ZNRF3: variants seen among roughly 807,000 people sequenced by gnomAD.
The protein encoded by ZNRF3 is zinc and ring finger 3, also known as E3 ubiquitin-protein ligase ZNRF3.
A neutral mutation model predicts 72.5 loss-of-function variants in ZNRF3; 23 were observed. The ratio of observed to expected loss-of-function variants is 0.32; its 90% confidence interval spans 0.23 to 0.45. The LOEUF (loss-of-function observed/expected upper bound fraction) is 0.45. ZNRF3 is among the 20% of genes least tolerant of loss of function. The pLI is 1.00. For synonymous variants in ZNRF3, 610 were observed against 545.3 expected, an observed-to-expected ratio of 1.12 and a Z score of -1.65; for missense variants, 1,169 against 1,272.1, an observed-to-expected ratio of 0.92 and a Z score of 1.23.
chr22:28,912,446 C>T (rs2034334605), intron 1 of ZNRF3, among the ~76,000 whole-genome samples: 1 of 152,084 alleles, frequency 6.6e-6, no homozygotes, highest in Non-Finnish European at 1.5e-5. Flanking sequence ...TGCTGGATTA[C>T]ATCCGGGGAT....
At chr22:28,994,764 AC>A (rs1474779939) in intron 2 of ZNRF3, among the ~76,000 whole-genome samples, 18 of 152,362 alleles carry the variant, frequency 1.2e-4, no homozygotes, top group Admixed American at 3.3e-4. Context: ...AGTTAAAAAA[AC>A]AATGGTATTA....
At chr22:28,971,121 T>A (rs1312598982) in intron 1 of ZNRF3, among the ~76,000 whole-genome samples, 1 of 152,088 alleles carries the variant, frequency 6.6e-6, no homozygotes, top group Non-Finnish European at 1.5e-5. Context: ...CCCAGGAGTT[T>A]GAGGCTGCAG....
chr22:28,914,037 A>C (rs1033613715), intron 1 of ZNRF3, among the ~76,000 whole-genome samples: 2 of 152,210 alleles, frequency 1.3e-5, no homozygotes, highest in African/African-American at 4.8e-5. Flanking sequence ...GATGAAATGC[A>C]TGATAAGAAC....
intron 2 of ZNRF3, among the ~76,000 whole-genome samples, chr22:29,023,697 G>C (rs1312462553): frequency 1.3e-5 from 2 of 152,202 alleles, no homozygotes; most frequent in Non-Finnish European, 2.9e-5. Flanking sequence ...ATTCCATGTG[G>C]GGCTGTCTGG....
chr22:29,028,296 C>T (rs981134835), intron 2 of ZNRF3, among the ~76,000 whole-genome samples: 1 of 152,144 alleles, frequency 6.6e-6, no homozygotes, highest in African/African-American at 2.4e-5. Context: ...CACCCTGCCA[C>T]CTCTCAGGGA....
chr22:28,905,550 A>G (rs1243426264), intron 1 of ZNRF3, among the ~76,000 whole-genome samples: 2 of 152,222 alleles, frequency 1.3e-5, no homozygotes, highest in Non-Finnish European at 2.9e-5. Flanking sequence ...TGTACCAATC[A>G]AAACAAATGA....
chr22:28,946,055 A>T (rs549011325), intron 1 of ZNRF3, among the ~76,000 whole-genome samples: 2 of 152,306 alleles, frequency 1.3e-5, no homozygotes, highest in Non-Finnish European at 1.5e-5. Flanking sequence ...CTCAAAGGCA[A>T]TGCTCATTGG....
chr22:28,962,162 C>T (rs939161611), intron 1 of ZNRF3, among the ~76,000 whole-genome samples: 4 of 152,238 alleles, frequency 2.6e-5, no homozygotes, highest in South Asian at 2.1e-4. Context: ...TTGCATTTAC[C>T]GCATCCCAAC....
chr22:28,972,493 T>C (rs1186923457), intron 1 of ZNRF3, among the ~76,000 whole-genome samples: 1 of 152,252 alleles, frequency 6.6e-6, no homozygotes, highest in Non-Finnish European at 1.5e-5. Context: ...TTAACCACAC[T>C]TGATGTTTCC....
At chr22:28,917,520 T>C in intron 1 of ZNRF3, 5 of 873,238 alleles carry the variant, frequency 5.7e-6, no homozygotes, top group Non-Finnish European at 6.9e-6. Context: ...GGGTAAGATA[T>C]ACTCTCTGTA....
intron 1 of ZNRF3, among the ~76,000 whole-genome samples, chr22:28,932,119 G>T (rs925014496): frequency 1.3e-5 from 2 of 152,166 alleles, no homozygotes; most frequent in African/African-American, 4.8e-5. Flanking sequence ...GAGAGGACCC[G>T]TTCAGCCACA....
intron 2 of ZNRF3, among the ~76,000 whole-genome samples, chr22:28,989,425 A>G (rs2035915149): frequency 6.6e-6 from 1 of 151,978 alleles, no homozygotes; most frequent in Non-Finnish European, 1.5e-5. Context: ...CTCAGTCTCA[A>G]TTTCATTAAC....
intron 1 of ZNRF3, among the ~76,000 whole-genome samples, chr22:28,960,168 T>TA (rs1453480849): frequency 7.9e-5 from 12 of 152,316 alleles, no homozygotes; most frequent in Non-Finnish European, 2.9e-5. Context: ...GGAAGCATGT[T>TA]AAAAAACCAG....
intron 2 of ZNRF3, among the ~76,000 whole-genome samples, chr22:29,008,822 G>A (rs1456947982): frequency 6.6e-6 from 1 of 152,238 alleles, no homozygotes; most frequent in Non-Finnish European, 1.5e-5. Flanking sequence ...TTCTAATGCA[G>A]TTCTCTTGTT....
At chr22:28,921,994 T>TG (rs1293729368) in intron 1 of ZNRF3, among the ~76,000 whole-genome samples, 2 of 152,306 alleles carry the variant, frequency 1.3e-5, no homozygotes. Flanking sequence ...ATGAGATGTC[T>TG]GGGGGGTGAG....
intron 2 of ZNRF3, chr22:29,031,612 A>AG: frequency 1.0e-6 from 1 of 985,530 alleles, no homozygotes; most frequent in Non-Finnish European, 1.2e-6. Context: ...CTCGAGGAGG[A>AG]GGAAAGGAAA....
intron 2 of ZNRF3, among the ~76,000 whole-genome samples, chr22:29,041,370 C>T (rs535278619): frequency 2.0e-5 from 3 of 152,252 alleles, no homozygotes; most frequent in African/African-American, 7.2e-5. Flanking sequence ...GTCTCGAACT[C>T]CAGCCATGCT....
intron 8 of ZNRF3, among the ~76,000 whole-genome samples, chr22:29,052,579 C>A (rs1419839958): frequency 6.6e-6 from 1 of 151,820 alleles, no homozygotes; most frequent in East Asian, 1.9e-4. Context: ...TGTAGTTCTA[C>A]CTACTCGGGA....
At chr22:29,052,472 A>G (rs2037223495) in intron 8 of ZNRF3, among the ~76,000 whole-genome samples, 1 of 152,250 alleles carries the variant, frequency 6.6e-6, no homozygotes, top group South Asian at 2.1e-4. Flanking sequence ...AGGCAGGCAG[A>G]TCACCAGGTA....
Sources: gnomAD v4.1 joint callset for allele counts (sites outside exome capture counted in the v4.1 genomes callset) on GRCh38, gnomAD v4.1.1 for gene constraint, MANE v1.5 for transcripts, NCBI Gene and HGNC (gene_info 2026-07-23, HGNC 2026-07-21) for gene names.